Variants in SORCS2 observed in about 807,000 individuals in gnomAD.
The protein encoded by SORCS2 is VPS10 domain-containing receptor SorCS2.
Under a neutral mutation model 141.6 loss-of-function variants are expected in SORCS2, and 100 were observed. The observed-to-expected ratio is 0.71, with a 90% confidence interval of 0.60 to 0.83. The LOEUF (loss-of-function observed/expected upper bound fraction) is 0.83. SORCS2 is among the 40% of genes least tolerant of loss of function. The pLI, the probability that SORCS2 is intolerant of heterozygous loss-of-function variation, is 0.00. For missense variants in SORCS2, 1,646 were observed against 1,560.2 expected (o/e 1.05, Z -0.93); for synonymous variants, 789 against 676.9 (o/e 1.17, Z -2.57).
intron 2 of SORCS2, chr4:7,433,250 G>C (rs1415294315): frequency 7.6e-7 from 1 of 1,314,776 alleles, no homozygotes; most frequent in African/African-American, 1.5e-5. Context: ...TTGTGAAATG[G>C]GGATGGGGAA....
chr4:7,228,983 G>A (rs1285469303), intron 1 of SORCS2, among the ~76,000 whole-genome samples: 4 of 152,196 alleles, frequency 2.6e-5, no homozygotes, highest in East Asian at 3.9e-4. Context: ...TCCCTGCCCC[G>A]AGTGGACTTG....
chr4:7,521,900 G>A (rs1030805559), intron 2 of SORCS2, among the ~76,000 whole-genome samples: 5 of 152,214 alleles, frequency 3.3e-5, no homozygotes, highest in African/African-American at 4.8e-5. Context: ...CAGCGGCTGC[G>A]TCTTCAAGCA....
chr4:7,292,683 G>T (rs1716690255), intron 1 of SORCS2, among the ~76,000 whole-genome samples: 1 of 152,214 alleles, frequency 6.6e-6, no homozygotes, highest in African/African-American at 2.4e-5. Flanking sequence ...ACATCTGTCT[G>T]CCTGTGTCCA....
intron 1 of SORCS2, among the ~76,000 whole-genome samples, chr4:7,213,825 G>A (rs1728180749): frequency 6.6e-6 from 1 of 152,192 alleles, no homozygotes. Flanking sequence ...CCCTGGAAAG[G>A]TACTTGGATG....
chr4:7,228,201 C>T (rs1160254736), intron 1 of SORCS2, among the ~76,000 whole-genome samples: 2 of 152,206 alleles, frequency 1.3e-5, no homozygotes, highest in African/African-American at 2.4e-5. Flanking sequence ...CCGGCATCCT[C>T]GTATGTGCCT....
At chr4:7,322,016 T>C (rs1006360242) in intron 1 of SORCS2, among the ~76,000 whole-genome samples, 1 of 152,192 alleles carries the variant, frequency 6.6e-6, no homozygotes. Flanking sequence ...GACTTGGTCC[T>C]AGTGAGGCTC....
intron 3 of SORCS2, among the ~76,000 whole-genome samples, chr4:7,553,709 A>G (rs183291229): frequency 6.0e-4 from 91 of 152,336 alleles, no homozygotes; most frequent in African/African-American, 2.0e-3. Context: ...GTGAGAATGG[A>G]TGGAAGCCCA....
rs56241745 is a variant in SORCS2 at position 7,648,188 on chromosome 4, AGAG to A, written c.814-5922_814-5920del. 0.82 allele frequency among the ~76,000 whole-genome samples: 123,012 copies of A among 150,328 alleles called. 50,553 individuals are homozygous for A. The highest frequency in any genetic ancestry group is 0.99 in the East Asian group (5,001 of 5,048). ...GAGGGAGGCCATTTACTGAGACCGC[AGAG>A]GAGGAGGAGGAGGAGGAGGAGGAAG... On this transcript the variant is annotated intron_variant, in intron 4 of 26. Transcript: ENST00000507866. The surrounding 1 kb of genome is among the most constrained non-coding windows in gnomAD (Gnocchi z 4.2).
At chr4:7,576,423 C>T (rs988168225) in intron 3 of SORCS2, among the ~76,000 whole-genome samples, 6 of 152,130 alleles carry the variant, frequency 3.9e-5, no homozygotes, top group African/African-American at 9.7e-5. Flanking sequence ...GAAAAGAAAG[C>T]GATAGGAAAC....
Position 7,297,166 on chromosome 4 carries a change from G to T in SORCS2, c.481-99122G>T, listed in dbSNP as rs553116324. 2.1e-4 allele frequency among the ~76,000 whole-genome samples: 32 copies of T among 152,306 alleles called. No individual in the cohort carries two copies. The East Asian group carries it at 3.7e-3, about 18-fold the overall frequency. On this transcript the variant is annotated intron_variant, in intron 1 of 26. Coordinates refer to ENST00000507866, the MANE Select transcript of SORCS2 (RefSeq NM_020777.3). ...TCCTCTGCATTAGGTGGAGGGGGCT[G>T]GGATTCCTCAGTATGCCCCCTTCCC...
intron 1 of SORCS2, among the ~76,000 whole-genome samples, chr4:7,370,960 C>G: frequency 6.6e-6 from 1 of 152,198 alleles, no homozygotes; most frequent in South Asian, 2.1e-4. Flanking sequence ...GGAGCCTGCC[C>G]TGGACCCCAG....
chr4:7,194,542 G>T (rs1356119390), intron 1 of SORCS2, among the ~76,000 whole-genome samples: 1 of 152,176 alleles, frequency 6.6e-6, no homozygotes, highest in Non-Finnish European at 1.5e-5. Context: ...GTCATTCCTG[G>T]CATCTCCAGC....
At chr4:7,435,980 C>T (rs562692356) in intron 2 of SORCS2, among the ~76,000 whole-genome samples, 60 of 152,348 alleles carry the variant, frequency 3.9e-4, no homozygotes, top group African/African-American at 1.3e-3. Flanking sequence ...TTATGTGGGT[C>T]GGGCAGCCTG....
At chr4:7,267,270 A>G (rs986276671) in intron 1 of SORCS2, among the ~76,000 whole-genome samples, 2 of 152,154 alleles carry the variant, frequency 1.3e-5, no homozygotes, top group Non-Finnish European at 2.9e-5. Context: ...CCTAAGCGTT[A>G]AATTCGTGGA....
intron 2 of SORCS2, among the ~76,000 whole-genome samples, chr4:7,412,697 G>A (rs139454797): frequency 6.6e-6 from 1 of 151,768 alleles, no homozygotes; most frequent in African/African-American, 2.4e-5. Context: ...TGGGGCGGGG[G>A]CCCTCCCTGC....
chr4:7,740,304 A>C lies in SORCS2; in HGVS notation c.*40A>C. ...CTGTCTTTTCACCCACGGAGGGCACAGAACCACCAGCAAAGCCGGCGGCTG... is the reference window on the plus strand; with the variant it reads ...CTGTCTTTTCACCCACGGAGGGCACCGAACCACCAGCAAAGCCGGCGGCTG... On this transcript the variant is annotated 3_prime_UTR_variant, in exon 27 of 27. Transcript: ENST00000507866. The C allele has an allele frequency of 6.3e-7, 1 of 1,584,424 alleles. No individual in the cohort carries two copies.
intron 3 of SORCS2, among the ~76,000 whole-genome samples, chr4:7,592,122 G>T (rs1176261602): frequency 6.6e-6 from 1 of 152,196 alleles, no homozygotes; most frequent in Non-Finnish European, 1.5e-5. Context: ...TACGCTTCGA[G>T]TTTGGCTCTC....
At chr4:7,504,386 G>C (rs1204478633) in intron 2 of SORCS2, among the ~76,000 whole-genome samples, 1 of 152,230 alleles carries the variant, frequency 6.6e-6, no homozygotes, top group Non-Finnish European at 1.5e-5. Context: ...GAGAGTGGGG[G>C]AAGTGGAGAG....
chr4:7,469,526 A>T (rs1729843686), intron 2 of SORCS2, among the ~76,000 whole-genome samples: 1 of 152,190 alleles, frequency 6.6e-6, no homozygotes, highest in Admixed American at 6.5e-5. Flanking sequence ...AGCCCTGTTT[A>T]TCCAGGCAGA....
Sources: allele counts gnomAD v4.1 joint callset (sites outside exome capture counted in the v4.1 genomes callset), GRCh38; gene constraint gnomAD v4.1.1; non-coding constraint Gnocchi (gnomAD v3.1); transcripts MANE v1.5; gene names NCBI Gene and HGNC (gene_info 2026-07-23, HGNC 2026-07-21).